The following ST8SIA6 variants were observed in gnomAD, a reference collection of about 807,000 sequenced individuals.
ST8SIA6 encodes ST8 alpha-N-acetyl-neuraminide alpha-2,8-sialyltransferase 6.
In ST8SIA6, 39 loss-of-function variants were observed where a neutral mutation model predicts 33.6. That is an observed-to-expected ratio of 1.16 (90% confidence interval 0.90 to 1.52). ST8SIA6 has a LOEUF of 1.52. Ranked by LOEUF, ST8SIA6 falls within the 40% of genes most tolerant of loss-of-function variation. ST8SIA6 has a pLI of 0.00. For missense variants in ST8SIA6, 441 were observed against 443.8 expected (o/e 0.99, Z 0.06); for synonymous variants, 172 against 167.2 (o/e 1.03, Z -0.22).
intron 4 of ST8SIA6, among the ~76,000 whole-genome samples, chr10:17,333,688 TATATATATATATATATATATATATATA>T (rs1848379643): frequency 5.6e-4 from 12 of 21,318 alleles, no homozygotes; most frequent in African/African-American, 1.2e-3. Context: ...TATATATATA[TATATATATATATATATATATATATATA>T]TATTTTTTTT....
At chr10:17,352,370 A>G (rs1290212755) in intron 4 of ST8SIA6, among the ~76,000 whole-genome samples, 1 of 152,156 alleles carries the variant, frequency 6.6e-6, no homozygotes, top group Non-Finnish European at 1.5e-5. Context: ...ATATAAAAGA[A>G]TATGATGATT....
intron 3 of ST8SIA6, among the ~76,000 whole-genome samples, chr10:17,362,498 G>A (rs116363802): frequency 6.6e-6 from 1 of 152,070 alleles, no homozygotes; most frequent in African/African-American, 2.4e-5. Flanking sequence ...TTTTTAAAGA[G>A]TTCCCTGGAT....
intron 2 of ST8SIA6, among the ~76,000 whole-genome samples, chr10:17,420,053 C>A (rs1851731935): frequency 6.6e-6 from 1 of 152,152 alleles, no homozygotes; most frequent in African/African-American, 2.4e-5. Context: ...AAAATGATAA[C>A]CATGATATAG....
At chr10:17,449,702 G>A (rs1475486417) in intron 2 of ST8SIA6, among the ~76,000 whole-genome samples, 1 of 152,090 alleles carries the variant, frequency 6.6e-6, no homozygotes, top group African/African-American at 2.4e-5. Context: ...TATCATTAAG[G>A]CTTGAGCTTG....
intron 2 of ST8SIA6, among the ~76,000 whole-genome samples, chr10:17,403,221 A>T (rs932582445): frequency 1.3e-5 from 2 of 152,264 alleles, no homozygotes; most frequent in Non-Finnish European, 2.9e-5. Context: ...GAGTTATCAA[A>T]AGGACAGATT....
chr10:17,380,841 ACGTT>A (rs1564433197), intron 3 of ST8SIA6, among the ~76,000 whole-genome samples: 2,398 of 132,552 alleles, frequency 0.018, 55 homozygotes, highest in African/African-American at 0.03. Flanking sequence ...TTGTATGTGT[ACGTT>A]TGTGTGTTTG....
chr10:17,367,750 CAAGT>C (rs1172009587), intron 3 of ST8SIA6, among the ~76,000 whole-genome samples: 2 of 152,130 alleles, frequency 1.3e-5, no homozygotes, highest in African/African-American at 2.4e-5. Context: ...TCAGTTTTTA[CAAGT>C]AAGACCTATA....
At chr10:17,411,512 G>A (rs1334337030) in intron 2 of ST8SIA6, among the ~76,000 whole-genome samples, 3 of 152,152 alleles carry the variant, frequency 2.0e-5, no homozygotes, top group African/African-American at 4.8e-5. Context: ...GCATGAAAGT[G>A]TATTAATCTT....
At chr10:17,405,353 A>G (rs1257959994) in intron 2 of ST8SIA6, among the ~76,000 whole-genome samples, 1 of 152,056 alleles carries the variant, frequency 6.6e-6, no homozygotes, top group Non-Finnish European at 1.5e-5. Flanking sequence ...GGCAACAGTG[A>G]GACCCTGTCT....
At chr10:17,410,730 T>C (rs1430665988) in intron 2 of ST8SIA6, 1 of 151,980 alleles carries the variant, frequency 6.6e-6, no homozygotes, top group Non-Finnish European at 1.5e-5. Context: ...AATAAGACAC[T>C]AGAAAAAAAT....
At chr10:17,329,678 C>G (rs992527387) in intron 5 of ST8SIA6, among the ~76,000 whole-genome samples, 1 of 152,174 alleles carries the variant, frequency 6.6e-6, no homozygotes, top group East Asian at 1.9e-4. Flanking sequence ...ATTATGCACT[C>G]ACAATAAGGA....
intron 2 of ST8SIA6, among the ~76,000 whole-genome samples, chr10:17,440,017 G>T (rs1852416479): frequency 6.6e-6 from 1 of 152,128 alleles, no homozygotes; most frequent in Non-Finnish European, 1.5e-5. Context: ...TCTTAAATCA[G>T]ATGCCAGCTC....
chr10:17,394,266 C>A (rs909726317), intron 2 of ST8SIA6, among the ~76,000 whole-genome samples: 2 of 150,802 alleles, frequency 1.3e-5, no homozygotes, highest in Non-Finnish European at 2.9e-5. Context: ...TCTTGGGGAC[C>A]AAACAGGGTC....
At chr10:17,337,183 C>T (rs998593173) in intron 4 of ST8SIA6, among the ~76,000 whole-genome samples, 1 of 152,064 alleles carries the variant, frequency 6.6e-6, no homozygotes, top group South Asian at 2.1e-4. Context: ...AAGAGCCTGC[C>T]ACCTCTTTGT....
chr10:17,327,664 G>T (rs115797019), intron 5 of ST8SIA6, among the ~76,000 whole-genome samples: 1 of 150,516 alleles, frequency 6.6e-6, no homozygotes, highest in Non-Finnish European at 1.5e-5. Context: ...AGCACTTTGG[G>T]AGGCTGCCAA....
intron 3 of ST8SIA6, among the ~76,000 whole-genome samples, chr10:17,360,378 G>T (rs1468276430): frequency 2.0e-5 from 3 of 151,814 alleles, no homozygotes; most frequent in African/African-American, 7.3e-5. Flanking sequence ...AGACATAATG[G>T]AGAAGAAAAA....
At chr10:17,382,101 C>A (rs889499413) in intron 3 of ST8SIA6, among the ~76,000 whole-genome samples, 6 of 151,970 alleles carry the variant, frequency 3.9e-5, no homozygotes, top group African/African-American at 1.5e-4. Context: ...CATAAATAAT[C>A]TAGGTAAACT....
intron 6 of ST8SIA6, among the ~76,000 whole-genome samples, chr10:17,324,792 G>T (rs1228138508): frequency 7.2e-6 from 1 of 138,646 alleles, no homozygotes; most frequent in Non-Finnish European, 1.5e-5. Context: ...TGGTATGTAT[G>T]CATGTATTAT....
At chr10:17,448,782 A>ATTTT (rs753562099) in intron 2 of ST8SIA6, among the ~76,000 whole-genome samples, 21 of 123,544 alleles carry the variant, frequency 1.7e-4, no homozygotes, top group Non-Finnish European at 2.5e-4. Flanking sequence ...CGCCAGGCTA[A>ATTTT]TTTTTTTTTT....
Sources: gnomAD v4.1 joint callset for allele counts (sites outside exome capture counted in the v4.1 genomes callset) on GRCh38, gnomAD v4.1.1 for gene constraint, MANE v1.5 for transcripts, NCBI Gene and HGNC (gene_info 2026-07-23, HGNC 2026-07-21) for gene names.